Variants in PHF21A observed in about 807,000 individuals in gnomAD.
PHF21A encodes the protein PHD finger protein 21A.
Under a neutral mutation model 82.5 loss-of-function variants are expected in PHF21A, and 11 were observed. That is an observed-to-expected ratio of 0.13 (90% CI 0.08 to 0.22). The LOEUF (loss-of-function observed/expected upper bound fraction) is 0.22, where lower values mean the gene tolerates loss of function less well. Among genes scored for constraint, PHF21A ranks in the 10% least tolerant of loss-of-function variants. The pLI, the probability that PHF21A is intolerant of heterozygous loss-of-function variation, is 1.00. For missense variants in PHF21A, 579 were observed against 837.8 expected (o/e 0.69, Z 3.81); for synonymous variants, 297 against 302.8 (o/e 0.98, Z 0.20).
chr11:46,019,588 A>T (rs184385276), intron 6 of PHF21A, among the ~76,000 whole-genome samples: 20 of 152,298 alleles, frequency 1.3e-4, no homozygotes, highest in Admixed American at 4.6e-4. Context: ...TTCTGATGCT[A>T]TAAATTGCAC....
intron 6 of PHF21A, among the ~76,000 whole-genome samples, chr11:46,069,907 T>C (rs772716619): frequency 6.6e-6 from 1 of 152,226 alleles, no homozygotes; most frequent in Non-Finnish European, 1.5e-5. Flanking sequence ...AATTTCCTTT[T>C]AAACAGAACT....
At chr11:45,969,740 A>G (rs1344747868) in intron 9 of PHF21A, 75 bp downstream of exon 9, 2 of 966,346 alleles carry the variant, frequency 2.1e-6, no homozygotes, top group East Asian at 2.4e-5. Context: ...GCCCCATTAC[A>G]GGCTACTTAG....
At chr11:46,058,191 G>A (rs1393480253) in intron 6 of PHF21A, among the ~76,000 whole-genome samples, 1 of 152,146 alleles carries the variant, frequency 6.6e-6, no homozygotes, top group Non-Finnish European at 1.5e-5. Flanking sequence ...GAAGGAGAAA[G>A]GTTAAACTGC....
chr11:45,944,620 G>C (rs2090994659), intron 15 of PHF21A, among the ~76,000 whole-genome samples: 1 of 152,176 alleles, frequency 6.6e-6, no homozygotes, highest in Admixed American at 6.5e-5. Context: ...TTTTCTTTCA[G>C]GATGCCATGT....
intron 11 of PHF21A, among the ~76,000 whole-genome samples, chr11:45,952,094 C>T (rs566900868): frequency 1.7e-3 from 256 of 152,294 alleles, no homozygotes; most frequent in Non-Finnish European, 2.7e-3. Context: ...CGTGAGCCAC[C>T]GCGCCCAGCC....
chr11:45,974,418 AATT>A (rs59807950), intron 7 of PHF21A, among the ~76,000 whole-genome samples: 21,447 of 147,052 alleles, frequency 0.15, 1,955 homozygotes, highest in Non-Finnish European at 0.2. Flanking sequence ...TCAAACGACA[AATT>A]ATTATTATTA....
chr11:45,966,084 A>G (rs1237267706), intron 9 of PHF21A, among the ~76,000 whole-genome samples: 2 of 151,892 alleles, frequency 1.3e-5, no homozygotes, highest in African/African-American at 4.8e-5. Context: ...CCTAAATGTG[A>G]GTATTTCTTA....
At chr11:46,041,480 G>T (rs896387055) in intron 6 of PHF21A, among the ~76,000 whole-genome samples, 7 of 152,100 alleles carry the variant, frequency 4.6e-5, no homozygotes, top group Non-Finnish European at 8.8e-5. Context: ...AAACTAAGGG[G>T]TAATCTGAAA....
intron 6 of PHF21A, among the ~76,000 whole-genome samples, chr11:46,063,241 C>A (rs1170973584): frequency 1.3e-5 from 2 of 152,128 alleles, no homozygotes; most frequent in Non-Finnish European, 2.9e-5. Context: ...ACACCATATA[C>A]CCTGTTTTCA....
chr11:45,965,732 A>T, intron 9 of PHF21A, 124 bp from the exon 10 acceptor site: 1 of 763,610 alleles, frequency 1.3e-6, no homozygotes, highest in South Asian at 2.0e-5. Context: ...ATTTTGGTAC[A>T]TTAATTCTAT....
In PHF21A at chr11:46,018,051, C is replaced by A. The variant is rs926654466; in HGVS notation, c.154-38085G>T. On this transcript the variant is annotated intron_variant, in intron 6 of 18. Coordinates refer to ENST00000676320, the MANE Select transcript of PHF21A (RefSeq NM_001352027.3). Reference sequence around the variant, plus strand: ...GGATCACGAGGTCAGGAGATCGAGACCATCCCGGCTAAAACGGTGAAACCC... The same window carrying A: ...GGATCACGAGGTCAGGAGATCGAGAACATCCCGGCTAAAACGGTGAAACCC... Among the ~76,000 whole-genome samples, 6 of 151,932 alleles carry A rather than the reference C, an allele frequency of 3.9e-5. No homozygotes were observed. In the South Asian group the frequency reaches 1.2e-3, roughly 32 times the overall value.
intron 1 of PHF21A, among the ~76,000 whole-genome samples, chr11:46,117,692 C>G (rs898169223): frequency 1.3e-5 from 2 of 152,204 alleles, no homozygotes; most frequent in African/African-American, 4.8e-5. Context: ...ATCATACCAA[C>G]TACTTTTGTT....
chr11:45,972,498 C>T (rs991540450), intron 7 of PHF21A, among the ~76,000 whole-genome samples: 1 of 152,198 alleles, frequency 6.6e-6, no homozygotes, highest in African/African-American at 2.4e-5. Flanking sequence ...AATTAATTGG[C>T]CAGGCGCAGT....
intron 10 of PHF21A, among the ~76,000 whole-genome samples, chr11:45,954,060 G>C (rs550752377): frequency 6.6e-6 from 1 of 152,230 alleles, no homozygotes; most frequent in South Asian, 2.1e-4. Context: ...GCAATGGCAT[G>C]ATCTCAGTTC....
chr11:46,057,048 A>G (rs1207436164), intron 6 of PHF21A, among the ~76,000 whole-genome samples: 1 of 152,188 alleles, frequency 6.6e-6, no homozygotes, highest in East Asian at 1.9e-4. Context: ...ATGTTAGCAC[A>G]CAAAAAATAT....
chr11:46,023,444 CAGGTA>C (rs1951717430), intron 6 of PHF21A, among the ~76,000 whole-genome samples: 1 of 152,108 alleles, frequency 6.6e-6, no homozygotes, highest in South Asian at 2.1e-4. Context: ...TTTCCAAAAC[CAGGTA>C]AGGAAATTAA....
chr11:46,084,135 C>T, intron 4 of PHF21A, 31 bp downstream of exon 4: 1 of 1,506,284 alleles, frequency 6.6e-7, no homozygotes, highest in Non-Finnish European at 9.1e-7. Context: ...TACTTAACAA[C>T]AGTGTGGGAG....
intron 10 of PHF21A, among the ~76,000 whole-genome samples, chr11:45,958,576 G>A (rs1429960071): frequency 6.7e-6 from 1 of 149,400 alleles, no homozygotes; most frequent in African/African-American, 2.5e-5. Context: ...ACTCCAGCCT[G>A]GGTGACAGAG....
Position 45,953,918 on chromosome 11 carries a change from C to A in PHF21A, c.997-293G>T, listed in dbSNP as rs1004952153. On this transcript the variant is annotated intron_variant, in intron 10 of 18. Transcript: ENST00000676320. ...GGTTTAATTCCTAAGTATAGAAATA[C>A]GGTACAGGTTGTCCTTTCTGATTTC... 2.0e-5 allele frequency among the ~76,000 whole-genome samples: 3 copies of A among 152,126 alleles called. 1 individual carries two copies. In the South Asian group the frequency reaches 6.2e-4, roughly 32 times the overall value.
Sources: allele counts gnomAD v4.1 joint callset (sites outside exome capture counted in the v4.1 genomes callset), GRCh38; gene constraint gnomAD v4.1.1; transcripts MANE v1.5; gene names NCBI Gene and HGNC (gene_info 2026-07-23, HGNC 2026-07-21).